COBL: variants seen among roughly 807,000 people sequenced by gnomAD.
The protein encoded by COBL is cordon-bleu WH2 repeat protein.
COBL carries 51 observed loss-of-function variants against 98.8 expected under a neutral mutation model. That is an observed-to-expected ratio of 0.52 (90% CI 0.41 to 0.65). The LOEUF (loss-of-function observed/expected upper bound fraction) is 0.65, where lower values mean the gene tolerates loss of function less well. COBL is among the 30% of genes least tolerant of loss of function. The pLI is 0.00. For synonymous variants in COBL, 634 were observed against 651.7 expected (o/e 0.97, Z 0.41); for missense variants, 1,617 against 1,617.5 (o/e 1.00, Z 0.01).
chr7:51,047,542 A>G (rs1043629940), intron 7 of COBL, among the ~76,000 whole-genome samples: 3 of 152,216 alleles, frequency 2.0e-5, no homozygotes, highest in Non-Finnish European at 4.4e-5. Flanking sequence ...GAATGGATTC[A>G]TTTTATTGTT....
In COBL at chr7:51,043,531, C is replaced by G; in HGVS notation, c.1258G>C (p.Asp420His). The change falls in exon 8 of 13, where the codon GAC becomes CAC. Residue 420 changes from aspartate (D) to histidine (H), a missense_variant. Around this residue, in one of 3 missense-constraint regions of COBL, gnomAD observed 1,304 missense variants for 1,282.0 expected, o/e 1.02. Coordinates refer to ENST00000265136, the MANE Select transcript of COBL (RefSeq NM_015198.5). Reference protein sequence around the residue: ...MSSPSDIVSLDSQQDSMKYKD... With the variant: ...MSSPSDIVSLHSQQDSMKYKD... ...TATTTCATGCTGTCCTGCTGCGAGTCCAGAGAGACGATGTCTGAGGGGGAA... is the reference window on the plus strand; with the variant it reads ...TATTTCATGCTGTCCTGCTGCGAGTGCAGAGAGACGATGTCTGAGGGGGAA... 1 of 1,614,206 alleles carries G rather than the reference C, an allele frequency of 6.2e-7. No individual in the cohort carries two copies. Among genetic ancestry groups the G allele is most frequent in the Non-Finnish European group, 8.5e-7 (1 of 1,180,034 alleles).
intron 1 of COBL, among the ~76,000 whole-genome samples, chr7:51,304,439 T>C (rs1480802988): frequency 2.0e-5 from 3 of 152,230 alleles, no homozygotes; most frequent in African/African-American, 7.2e-5. Context: ...AAACAATTTG[T>C]GAATACAAGC....
chr7:51,173,203 G>A (rs1788051850), intron 5 of COBL, among the ~76,000 whole-genome samples: 1 of 151,904 alleles, frequency 6.6e-6, no homozygotes, highest in Non-Finnish European at 1.5e-5. Context: ...TTTGTTTTGA[G>A]CAGAGTCTCA....
chr7:51,283,419 C>T (rs773601218), intron 1 of COBL, among the ~76,000 whole-genome samples: 3 of 152,180 alleles, frequency 2.0e-5, no homozygotes, highest in Non-Finnish European at 4.4e-5. Context: ...TACCAACATA[C>T]ACTCATTAAA....
chr7:51,228,402 T>TAAA (rs5884197), intron 1 of COBL, among the ~76,000 whole-genome samples: 1 of 148,468 alleles, frequency 6.7e-6, no homozygotes, highest in Non-Finnish European at 1.5e-5. Flanking sequence ...TCTTTTGGAT[T>TAAA]AAAAAAAAAA....
intron 1 of COBL, among the ~76,000 whole-genome samples, chr7:51,240,254 T>C (rs1795664406): frequency 6.6e-6 from 1 of 152,284 alleles, no homozygotes. Flanking sequence ...CACTTCCACA[T>C]TGTGAATCAC....
intron 2 of COBL, among the ~76,000 whole-genome samples, chr7:51,204,985 A>G (rs962401129): frequency 2.6e-5 from 4 of 152,244 alleles, no homozygotes; most frequent in Admixed American, 6.5e-5. Context: ...ACTGAACATT[A>G]TAATACATTG....
Position 51,308,161 on chromosome 7 carries a change from A to G in COBL, c.41+8432T>C, listed in dbSNP as rs551829501. Among the ~76,000 whole-genome samples the G allele has an allele frequency of 2.0e-5, 3 of 152,350 alleles. No homozygotes were observed. In the South Asian group the frequency reaches 6.2e-4, roughly 32 times the overall value. On this transcript the variant is annotated intron_variant, in intron 1 of 12. Transcript: ENST00000265136. Reference sequence around the variant, plus strand: ...CTCCCTCCAGCCTAACAGTTTGTGCATTGAACACTAGTGGATTTTGCACTT... The same window carrying G: ...CTCCCTCCAGCCTAACAGTTTGTGCGTTGAACACTAGTGGATTTTGCACTT...
intron 8 of COBL, chr7:51,032,524 A>G (rs1312125087): frequency 6.6e-6 from 1 of 152,220 alleles, no homozygotes; most frequent in Non-Finnish European, 1.5e-5. Context: ...GCTTTGCACA[A>G]TCCTCACGTA....
chr7:51,305,787 C>A (rs895021989), intron 1 of COBL, among the ~76,000 whole-genome samples: 1 of 111,484 alleles, frequency 9.0e-6, no homozygotes, highest in Non-Finnish European at 1.9e-5. Context: ...GTAATCCCAG[C>A]CCTTTGGGAG....
intron 5 of COBL, among the ~76,000 whole-genome samples, chr7:51,182,518 G>C (rs944840636): frequency 3.9e-5 from 6 of 152,034 alleles, no homozygotes; most frequent in Admixed American, 2.0e-4. Flanking sequence ...CTGACCTCAG[G>C]TGACCTGCCC....
At chr7:51,100,990 T>C (rs1795758685) in intron 6 of COBL, among the ~76,000 whole-genome samples, 1 of 152,184 alleles carries the variant, frequency 6.6e-6, no homozygotes, top group African/African-American at 2.4e-5. Context: ...AAAAGCAATT[T>C]CACCTGTTGA....
intron 1 of COBL, among the ~76,000 whole-genome samples, chr7:51,240,207 G>C (rs1795660751): frequency 1.3e-5 from 2 of 152,146 alleles, no homozygotes; most frequent in Non-Finnish European, 2.9e-5. Context: ...AGAAAATCTT[G>C]ACAATGCAGA....
chr7:51,021,155 A>G (rs986955122), intron 12 of COBL: 4 of 152,228 alleles, frequency 2.6e-5, no homozygotes, highest in Admixed American at 6.5e-5. Flanking sequence ...GCTCCCAGCA[A>G]TGCTGTTCTG....
At chr7:51,267,635 C>T (rs13234343) in intron 1 of COBL, among the ~76,000 whole-genome samples, 47,848 of 151,988 alleles carry the variant, frequency 0.31, 9,238 homozygotes, top group Non-Finnish European at 0.43. Flanking sequence ...AGTACAGTAG[C>T]GCAATCTCAG....
At chr7:51,080,952 C>G (rs532952335) in intron 7 of COBL, among the ~76,000 whole-genome samples, 4 of 152,304 alleles carry the variant, frequency 2.6e-5, no homozygotes, top group African/African-American at 7.2e-5. Context: ...GTCCTGAAGG[C>G]AAGTTGCATT....
chr7:51,310,456 T>C (rs981821562), intron 1 of COBL, among the ~76,000 whole-genome samples: 2 of 152,164 alleles, frequency 1.3e-5, no homozygotes, highest in African/African-American at 2.4e-5. Context: ...CAGAGGGCAT[T>C]CTGAATCAGG....
In COBL at chr7:51,017,042, A is replaced by AT. The variant is rs963135088; in HGVS notation, c.*508dup. ...AAAGCCACCTTTGAAAAGCCTCCCA[A>AT]TTTTTTTTTCTTACTACCAAAACAC... On this transcript the variant is annotated 3_prime_UTR_variant, in exon 13 of 13. Coordinates refer to ENST00000265136, the MANE Select transcript of COBL (RefSeq NM_015198.5). The AT allele has an allele frequency of 4.7e-5, 19 of 400,790 alleles. No individual in the cohort carries two copies. The highest frequency in any genetic ancestry group is 1.3e-4 in the Admixed American group (3 of 23,164). 24.8% of individuals were successfully genotyped at this position (400,790 alleles called of 1,614,324 possible). A position where few individuals can be genotyped will look rare whatever the true frequency, so the allele number is the denominator to read the frequency against.
chr7:51,270,779 T>C (rs1798680035), intron 1 of COBL, among the ~76,000 whole-genome samples: 1 of 152,050 alleles, frequency 6.6e-6, no homozygotes, highest in Admixed American at 6.6e-5. Flanking sequence ...GGCAATTTGC[T>C]CAATAATTAC....
Sources: allele counts gnomAD v4.1 joint callset (sites outside exome capture counted in the v4.1 genomes callset), GRCh38; gene constraint gnomAD v4.1.1; regional missense constraint gnomAD v4.1.1; transcripts MANE v1.5; gene names NCBI Gene and HGNC (gene_info 2026-07-23, HGNC 2026-07-21).